The following CSNK1G1 variants were observed in gnomAD, a reference collection of about 807,000 sequenced individuals.
CSNK1G1 encodes the protein casein kinase I isoform gamma-1.
A neutral mutation model predicts 59.6 loss-of-function variants in CSNK1G1; 22 were observed. The observed-to-expected ratio is 0.37, with a 90% CI of 0.26 to 0.53. The LOEUF (loss-of-function observed/expected upper bound fraction) is 0.53, where lower values mean the gene tolerates loss of function less well. Among genes scored for constraint, CSNK1G1 ranks in the 20% least tolerant of loss-of-function variants. The probability of loss-of-function intolerance (pLI) is 0.89; values close to 1 mark genes in which losing one functional copy is unlikely to be tolerated. For synonymous variants in CSNK1G1, 179 were observed against 177.1 expected (o/e 1.01, Z -0.08); for missense variants, 384 against 519.5 (o/e 0.74, Z 2.54).
Position 64,200,844 on chromosome 15 carries a change from T to C in CSNK1G1, c.1107+2238A>G, listed in dbSNP as rs994925788. On this transcript the variant is annotated intron_variant, in intron 10 of 11. Coordinates refer to ENST00000303052, the MANE Select transcript of CSNK1G1 (RefSeq NM_022048.5). This position sits in a 1 kb window ranked among gnomAD's most constrained non-coding sequence, Gnocchi z 4.3. ...TTATAACCATGCCTTTATAGGTGGA[T>C]AGGCAGATCATTTCTATATCTCTGC... Among the ~76,000 whole-genome samples the C allele has an allele frequency of 6.6e-6, 1 of 152,234 alleles. No individual in the cohort carries two copies. Among genetic ancestry groups the C allele is most frequent in the Non-Finnish European group, 1.5e-5 (1 of 68,048 alleles).
chr15:64,230,886 A>G (rs943537345), intron 4 of CSNK1G1, among the ~76,000 whole-genome samples: 1 of 152,146 alleles, frequency 6.6e-6, no homozygotes, highest in African/African-American at 2.4e-5. Context: ...AGGCAGGAGA[A>G]TGGCATGAAC....
intron 10 of CSNK1G1, among the ~76,000 whole-genome samples, chr15:64,182,795 T>G (rs1010542369): frequency 6.6e-6 from 1 of 152,220 alleles, no homozygotes; most frequent in African/African-American, 2.4e-5. Context: ...TACAAGAGTT[T>G]ATTGCATTTC....
chr15:64,193,838 T>C (rs2082005258), intron 10 of CSNK1G1: 1 of 152,176 alleles, frequency 6.6e-6, no homozygotes, highest in South Asian at 2.1e-4. Context: ...CTAGGAAATG[T>C]TGGTTTATCT....
At chr15:64,228,000 T>C (rs2082485055) in intron 4 of CSNK1G1, among the ~76,000 whole-genome samples, 1 of 152,216 alleles carries the variant, frequency 6.6e-6, no homozygotes, top group Non-Finnish European at 1.5e-5. Context: ...ACCAATTCTT[T>C]ATCACCTTTC....
chr15:64,319,917 C>CT (rs148166902), intron 1 of CSNK1G1, among the ~76,000 whole-genome samples: 2,050 of 65,538 alleles, frequency 0.031, 91 homozygotes, highest in Middle Eastern at 0.089. Flanking sequence ...TAGATCAGGG[C>CT]TTTTTTTTTT....
intron 11 of CSNK1G1, among the ~76,000 whole-genome samples, chr15:64,175,945 G>C (rs1418397882): frequency 6.6e-6 from 1 of 152,196 alleles, no homozygotes; most frequent in Non-Finnish European, 1.5e-5. Context: ...TTTTACTTCT[G>C]TCCCTCTCCA....
chr15:64,316,345 TG>T (rs1896262909), intron 1 of CSNK1G1, among the ~76,000 whole-genome samples: 1 of 152,028 alleles, frequency 6.6e-6, no homozygotes, highest in Admixed American at 6.6e-5. Context: ...AGGACAAGCT[TG>T]GAAAACAGGG....
chr15:64,173,995 C>A (rs941445888), intron 11 of CSNK1G1, among the ~76,000 whole-genome samples: 1 of 152,124 alleles, frequency 6.6e-6, no homozygotes, highest in East Asian at 1.9e-4. Flanking sequence ...ATAAAAGAGG[C>A]AAATTAAATC....
At chr15:64,191,870 TAA>T (rs1449322798) in intron 10 of CSNK1G1, among the ~76,000 whole-genome samples, 1 of 152,204 alleles carries the variant, frequency 6.6e-6, no homozygotes, top group Non-Finnish European at 1.5e-5. Flanking sequence ...AAGTTTTCGG[TAA>T]GATGTTAAAT....
intron 10 of CSNK1G1, among the ~76,000 whole-genome samples, chr15:64,202,688 G>C (rs1455996530): frequency 6.6e-6 from 1 of 152,048 alleles, no homozygotes; most frequent in Non-Finnish European, 1.5e-5. Flanking sequence ...AAGTAGCTGG[G>C]ACTATAGGCA....
intron 7 of CSNK1G1, among the ~76,000 whole-genome samples, chr15:64,206,217 G>A (rs370308149): frequency 1.3e-5 from 2 of 151,960 alleles, no homozygotes; most frequent in African/African-American, 4.8e-5. Context: ...CGAGGCAGGC[G>A]GATCACAAGG....
chr15:64,180,274 A>T, intron 11 of CSNK1G1, 74 bp downstream of exon 11: 1 of 1,056,384 alleles, frequency 9.5e-7, no homozygotes, highest in East Asian at 2.4e-5. Context: ...TGAGACGAGC[A>T]GCACACAGAG....
rs1276662148 is a variant in CSNK1G1, at chr15:64,189,904, C to T, written c.1108-9450G>A. 2.6e-5 allele frequency among the ~76,000 whole-genome samples: 4 copies of T among 151,790 alleles called. No individual in the cohort carries two copies. In the East Asian group the frequency reaches 5.8e-4, roughly 22 times the overall value. On this transcript the variant is annotated intron_variant, in intron 10 of 11. Transcript: ENST00000303052. Reference sequence around the variant, plus strand: ...CGCATTCTCGGCTCACTGCAAGCTCCGCCTCCCAGGTTCACGCCACTCTTC... The same window carrying T: ...CGCATTCTCGGCTCACTGCAAGCTCTGCCTCCCAGGTTCACGCCACTCTTC...
At chr15:64,277,850 A>C (rs188071941) in intron 2 of CSNK1G1, among the ~76,000 whole-genome samples, 3,889 of 135,942 alleles carry the variant, frequency 0.029, 176 homozygotes, top group Non-Finnish European at 0.045. Context: ...TATATTTAAT[A>C]ATAATATTGA....
intron 4 of CSNK1G1, among the ~76,000 whole-genome samples, chr15:64,235,893 G>C (rs1017179697): frequency 5.3e-5 from 8 of 152,034 alleles, no homozygotes; most frequent in African/African-American, 1.9e-4. Flanking sequence ...AGAGAAAAAA[G>C]ATAAATAAGG....
At position 64,299,364 on chromosome 15, in the gene CSNK1G1, G is replaced by A. The variant is rs1292452410; in HGVS notation, c.181+955C>T. Among the ~76,000 whole-genome samples the A allele has an allele frequency of 3.3e-5, 5 of 152,166 alleles. No homozygotes were observed. In the South Asian group the frequency reaches 6.2e-4, roughly 19 times the overall value. ...AGCACTTTGGGAGGCCGAGGCGGGC[G>A]GATCACGAAGTCAGAGGATCAAGAC... On this transcript the variant is annotated intron_variant, in intron 2 of 11. Coordinates refer to ENST00000303052, the MANE Select transcript of CSNK1G1 (RefSeq NM_022048.5).
intron 2 of CSNK1G1, among the ~76,000 whole-genome samples, chr15:64,291,938 C>A (rs995625779): frequency 6.6e-6 from 1 of 152,146 alleles, no homozygotes; most frequent in African/African-American, 2.4e-5. Flanking sequence ...GTGGCTCACG[C>A]CTGTAATCCC....
At chr15:64,190,478 G>A (rs1001181176) in intron 10 of CSNK1G1, among the ~76,000 whole-genome samples, 3 of 152,022 alleles carry the variant, frequency 2.0e-5, no homozygotes, top group Non-Finnish European at 2.9e-5. Context: ...GCAATGGCGC[G>A]ATCTCCGCTC....
Position 64,214,146 on chromosome 15 carries a change from G to C in CSNK1G1, c.445-22C>G, listed in dbSNP as rs2082281658. On this transcript the variant is annotated intron_variant, in intron 5 of 11. Coordinates refer to ENST00000303052, the MANE Select transcript of CSNK1G1 (RefSeq NM_022048.5). This position sits in a 1 kb window ranked among gnomAD's most constrained non-coding sequence, Gnocchi z 4.3. ...AAAGCTGAAAGAGAAACAAATGATA[G>C]AAAGACTGTAAAGAAGTATATCAGG... 6.6e-7 allele frequency: 1 copy of C among 1,517,546 alleles called. No homozygotes were observed. The highest frequency in any genetic ancestry group is 9.2e-7 in the Non-Finnish European group (1 of 1,092,092). The allele number at this position is 1,517,546 out of a possible 1,614,324, so 94.0% of individuals were successfully genotyped here.
Sources: gnomAD v4.1 joint callset for allele counts (sites outside exome capture counted in the v4.1 genomes callset) on GRCh38, gnomAD v4.1.1 for gene constraint, Gnocchi (gnomAD v3.1) non-coding constraint, MANE v1.5 for transcripts, NCBI Gene and HGNC (gene_info 2026-07-23, HGNC 2026-07-21) for gene names.